Variants in ERAP1 observed in about 807,000 individuals in gnomAD.
ERAP1 encodes the protein adipocyte-derived leucine aminopeptidase.
Under a neutral mutation model 103.7 loss-of-function variants are expected in ERAP1, and 86 were observed. The ratio of observed to expected loss-of-function variants is 0.83; its 90% confidence interval spans 0.70 to 0.99. ERAP1 has a LOEUF of 0.99. Ranked by LOEUF, ERAP1 falls within the 50% of genes least tolerant of loss-of-function variation. ERAP1 has a pLI of 0.00. For synonymous variants in ERAP1, 398 were observed against 402.4 expected (o/e 0.99, Z 0.13); for missense variants, 1,009 against 1,128.4 (o/e 0.89, Z 1.52).
the ERAP1 span, chr5:96,881,414 TAGA>T: frequency 8.8e-5 from 40 of 455,834 alleles, no homozygotes; most frequent in Non-Finnish European, 1.3e-4. Flanking sequence ...GTGAGGGAAA[TAGA>T]AGAATCAAGG....
chr5:96,908,949 T>C, the ERAP1 span: 3 of 1,609,570 alleles, frequency 1.9e-6, no homozygotes, highest in South Asian at 3.3e-5. Context: ...TGACATTTGT[T>C]TTATACTTCA....
the ERAP1 span, among the ~76,000 whole-genome samples, chr5:96,883,030 A>G: frequency 6.6e-6 from 1 of 152,104 alleles, no homozygotes; most frequent in African/African-American, 2.4e-5. Context: ...CAGAGTATAT[A>G]TCTATTATAC....
At chr5:96,923,557 A>G in the ERAP1 span, among the ~76,000 whole-genome samples, 2 of 151,754 alleles carry the variant, frequency 1.3e-5, no homozygotes, top group Non-Finnish European at 3.0e-5. Context: ...AGCCGGGCGC[A>G]GTGGCGGGCG....
At chr5:96,894,211 T>C in the ERAP1 span, among the ~76,000 whole-genome samples, 1 of 152,228 alleles carries the variant, frequency 6.6e-6, no homozygotes, top group Non-Finnish European at 1.5e-5. Flanking sequence ...ATGAATAAAC[T>C]AGTCTTGCTA....
chr5:96,853,340 A>G, the ERAP1 span, among the ~76,000 whole-genome samples: 5 of 152,172 alleles, frequency 3.3e-5, no homozygotes, highest in African/African-American at 1.2e-4. Flanking sequence ...AAAGAACAGG[A>G]TCTAGACTAT....
chr5:96,865,353 C>G, the ERAP1 span, among the ~76,000 whole-genome samples: 1 of 152,138 alleles, frequency 6.6e-6, no homozygotes, highest in Non-Finnish European at 1.5e-5. Context: ...AATAATATAA[C>G]CTGTTGGCCT....
At chr5:96,873,175 TGA>T in the ERAP1 span, 1 of 366,668 alleles carries the variant, frequency 2.7e-6, no homozygotes, top group South Asian at 2.0e-5. Context: ...GGTGACAGAG[TGA>T]GACTTTGTCA....
chr5:96,900,279 C>T, the ERAP1 span: 1 of 1,495,198 alleles, frequency 6.7e-7, no homozygotes, highest in Non-Finnish European at 8.9e-7. Flanking sequence ...CCACCTGTCC[C>T]TTTTAAAAGC....
chr5:96,762,514 CTGA>C (rs1201488806), exon 20 of ERAP1: 3 of 543,540 alleles, frequency 5.5e-6, no homozygotes, highest in Non-Finnish European at 9.9e-6. Flanking sequence ...AGAGCCGAGA[CTGA>C]TGATTTAGCG....
At chr5:96,786,027 T>G in intron 12 of ERAP1, 56 bp from the exon 13 acceptor site, 1 of 1,544,860 alleles carries the variant, frequency 6.5e-7, no homozygotes. Context: ...GAAGAAAGCT[T>G]TTCTCATCCA....
At chr5:96,793,578 A>G in intron 6 of ERAP1, 65 bp from the exon 7 acceptor site, 8 of 1,303,162 alleles carry the variant, frequency 6.1e-6, no homozygotes, top group East Asian at 4.7e-5. Context: ...GATGTCCAAT[A>G]TAAGTTTATG....
the ERAP1 span, among the ~76,000 whole-genome samples, chr5:96,926,980 C>A: frequency 2.0e-5 from 3 of 152,134 alleles, no homozygotes; most frequent in African/African-American, 7.2e-5. Flanking sequence ...CCATGCCTGG[C>A]TAATTTTTTT....
intron 8 of ERAP1, among the ~76,000 whole-genome samples, chr5:96,791,234 C>T (rs1311950585): frequency 6.6e-6 from 1 of 152,174 alleles, no homozygotes; most frequent in Non-Finnish European, 1.5e-5. Context: ...CCCATTACCA[C>T]GGATGGTGAG....
the ERAP1 span, among the ~76,000 whole-genome samples, chr5:96,842,758 A>C: frequency 6.6e-6 from 1 of 152,114 alleles, no homozygotes; most frequent in Non-Finnish European, 1.5e-5. Flanking sequence ...TATTTCTTTT[A>C]CTGTGCAGAA....
chr5:96,912,059 G>A, the ERAP1 span, among the ~76,000 whole-genome samples: 7 of 149,588 alleles, frequency 4.7e-5, no homozygotes, highest in Non-Finnish European at 8.9e-5. Context: ...GCGCGGTGGC[G>A]GGCGCCTGTA....
the ERAP1 span, among the ~76,000 whole-genome samples, chr5:96,869,453 AT>A: frequency 0.15 from 23,423 of 152,194 alleles, 2,277 homozygotes; most frequent in Middle Eastern, 0.32. Context: ...TACTCAACAT[AT>A]TTCCAAAGTA....
At chr5:96,777,305 T>A (rs1338593299) in intron 18 of ERAP1, among the ~76,000 whole-genome samples, 1 of 152,222 alleles carries the variant, frequency 6.6e-6, no homozygotes, top group South Asian at 2.1e-4. Context: ...CCTTTTCCCA[T>A]AAATTTTCAC....
intron 12 of ERAP1, 65 bp downstream of exon 12, chr5:96,786,405 C>T: frequency 9.3e-7 from 1 of 1,079,044 alleles, no homozygotes; most frequent in Non-Finnish European, 1.4e-6. Context: ...AAAGAAACAG[C>T]ACTTTAATCC....
chr5:96,931,786 C>T, the ERAP1 span, among the ~76,000 whole-genome samples: 3 of 152,140 alleles, frequency 2.0e-5, no homozygotes, highest in Admixed American at 6.5e-5. Context: ...CAACTTTTGA[C>T]CATATGGTAG....
Sources: allele counts gnomAD v4.1 joint callset (sites outside exome capture counted in the v4.1 genomes callset), GRCh38; gene constraint gnomAD v4.1.1; transcripts MANE v1.5; gene names NCBI Gene and HGNC (gene_info 2026-07-23, HGNC 2026-07-21).